DNM1: variants seen among roughly 807,000 people sequenced by gnomAD.
The protein encoded by DNM1 is dynamin 1, also known as dynamin-1.
A neutral mutation model predicts 104.6 loss-of-function variants in DNM1; 29 were observed. The ratio of observed to expected loss-of-function variants is 0.28; its 90% CI spans 0.21 to 0.38. DNM1 has a LOEUF of 0.38. Ranked by LOEUF, DNM1 falls within the 10% of genes least tolerant of loss-of-function variation. The pLI, the probability that DNM1 is intolerant of heterozygous loss-of-function variation, is 1.00. For synonymous variants in DNM1, 445 were observed against 475.8 expected (o/e 0.94, Z 0.84); for missense variants, 640 against 1,189.4 (o/e 0.54, Z 6.79).
At chr9:128,235,325 C>T (rs1835947002) in intron 11 of DNM1, among the ~76,000 whole-genome samples, 1 of 152,016 alleles carries the variant, frequency 6.6e-6, no homozygotes, top group African/African-American at 2.4e-5. Context: ...GAAACCCCGT[C>T]TCTACTAAAA....
At chr9:128,241,614 C>T (rs1417907415) in intron 14 of DNM1, among the ~76,000 whole-genome samples, 1 of 152,114 alleles carries the variant, frequency 6.6e-6, no homozygotes, top group Non-Finnish European at 1.5e-5. Context: ...GAGGCTGCAT[C>T]GACAGATAAT....
intron 10 of DNM1, chr9:128,232,771 ACCAT>A (rs1835777217): frequency 6.6e-6 from 1 of 152,400 alleles, no homozygotes; most frequent in Non-Finnish European, 1.5e-5. Flanking sequence ...GTGGGCTCCC[ACCAT>A]CAGAAATGCA....
chr9:128,216,480 G>A (rs967165112), intron 1 of DNM1, among the ~76,000 whole-genome samples: 1 of 152,166 alleles, frequency 6.6e-6, no homozygotes, highest in Non-Finnish European at 1.5e-5. Flanking sequence ...CCCTGTCCTG[G>A]GCACTGGGAT....
chr9:128,224,077 C>T lies in DNM1; in HGVS notation c.1197-174C>T. 2 of 743,694 alleles carry T rather than the reference C, an allele frequency of 2.7e-6. No homozygotes were observed. The highest frequency in any genetic ancestry group is 2.0e-6 in the Non-Finnish European group (1 of 491,008). 46.1% of individuals were successfully genotyped at this position (743,694 alleles called of 1,614,324 possible). A position where few individuals can be genotyped will look rare whatever the true frequency, so the allele number is the denominator to read the frequency against. Reference sequence around the variant, plus strand: ...AAAAATAACAACAACAACAAAAAACCCTTCATTAGAACCCCTCCCTCCCAT... The same window carrying T: ...AAAAATAACAACAACAACAAAAAACTCTTCATTAGAACCCCTCCCTCCCAT... On this transcript the variant is annotated intron_variant, in intron 9 of 21. Coordinates refer to ENST00000372923, the MANE Select transcript of DNM1 (RefSeq NM_004408.4). The surrounding 1 kb of genome is among the most constrained non-coding windows in gnomAD (Gnocchi z 4.3).
chr9:128,220,742 C>CGCACGCGT lies in DNM1; in HGVS notation c.849+402_849+403insCACGCGTG, dbSNP rs61020870. 3.7e-5 allele frequency among the ~76,000 whole-genome samples: 5 copies of CGCACGCGT among 136,278 alleles called. No homozygotes were observed. Among genetic ancestry groups the CGCACGCGT allele is most frequent in the South Asian group, 5.7e-4 (2 of 3,538 alleles). 89.4% of individuals were successfully genotyped at this position (136,278 alleles called of 152,430 possible). A position where few individuals can be genotyped will look rare whatever the true frequency, so the allele number is the denominator to read the frequency against. ...CAGAACTGAAGTGCGCGCGCGCGCGCGTGTGTGTGTGTGTGTGTGTGTGTG... is the reference window on the plus strand; with the variant it reads ...CAGAACTGAAGTGCGCGCGCGCGCGCGCACGCGTGTGTGTGTGTGTGTGTGTGTGTGTG... On this transcript the variant is annotated intron_variant, in intron 6 of 21. Transcript: ENST00000372923. This position sits in a 1 kb window ranked among gnomAD's most constrained non-coding sequence, Gnocchi z 5.2.
At chr9:128,230,724 T>C (rs1200508884) in intron 10 of DNM1, among the ~76,000 whole-genome samples, 1 of 152,160 alleles carries the variant, frequency 6.6e-6, no homozygotes, top group Non-Finnish European at 1.5e-5. Context: ...AGTGCTGGGA[T>C]TACAAGCATG....
In DNM1 at chr9:128,223,050, G is replaced by A. The variant is rs899892277; in HGVS notation, c.1196+190G>A. 3.0e-5 allele frequency: 18 copies of A among 609,194 alleles called. 1 individual carries two copies. The highest frequency in any genetic ancestry group is 8.6e-5 in the East Asian group (3 of 34,722). 37.7% of individuals were successfully genotyped at this position (609,194 alleles called of 1,614,324 possible). On this transcript the variant is annotated intron_variant, in intron 9 of 21. Transcript: ENST00000372923. ...TGGGGAGGTGGACCCGGGCCACCCC[G>A]CCTACTGCAACTTGCTGGGCCAACT...
Position 128,220,765 on chromosome 9 carries a change from G to GTGTGTGTGTGTGTGTC in DNM1, c.849+427_849+428insGTGTGTGTGTGTCTGT, listed in dbSNP as rs1432585973. 2.0e-5 allele frequency among the ~76,000 whole-genome samples: 3 copies of GTGTGTGTGTGTGTGTC among 151,664 alleles called. No homozygotes were observed. The highest frequency in any genetic ancestry group is 7.3e-5 in the African/African-American group (3 of 41,324). On this transcript the variant is annotated intron_variant, in intron 6 of 21. Coordinates refer to ENST00000372923, the MANE Select transcript of DNM1 (RefSeq NM_004408.4). The surrounding 1 kb of genome is among the most constrained non-coding windows in gnomAD (Gnocchi z 5.2). ...CGCGTGTGTGTGTGTGTGTGTGTGT[G>GTGTGTGTGTGTGTGTC]TGTCTGTCTGACTGTCTGTCTGTGT... is the stretch of plus-strand genomic sequence containing the variant.
In DNM1 at chr9:128,249,969, TG is replaced by T. The variant is rs1011858424; in HGVS notation, c.2077-142del. On this transcript the variant is annotated intron_variant, in intron 19 of 21. Coordinates refer to ENST00000372923, the MANE Select transcript of DNM1 (RefSeq NM_004408.4). Reference sequence around the variant, plus strand: ...CCTCATCTGAGTGAGAAAAGCGCGGTGGGGAGGTGAATCTTCCAGTCTACGC... The same window carrying T: ...CCTCATCTGAGTGAGAAAAGCGCGGTGGGAGGTGAATCTTCCAGTCTACGC... The T allele has an allele frequency of 1.3e-4, 152 of 1,175,528 alleles. 2 individuals carry two copies. The highest frequency in any genetic ancestry group is 5.8e-4 in the Middle Eastern group (2 of 3,436). The allele number at this position is 1,175,528 out of a possible 1,614,324, so 72.8% of individuals were successfully genotyped here. A position where few individuals can be genotyped will look rare whatever the true frequency, so the allele number is the denominator to read the frequency against.
chr9:128,252,060 A>G (rs139775080), intron 21 of DNM1: 119 of 196,068 alleles, frequency 6.1e-4, no homozygotes, highest in African/African-American at 2.6e-3. Context: ...ATGCTGCTTC[A>G]CCCTGGGCCT....
intron 14 of DNM1, among the ~76,000 whole-genome samples, chr9:128,241,463 G>A (rs1039590940): frequency 6.6e-6 from 1 of 152,250 alleles, no homozygotes; most frequent in Admixed American, 6.5e-5. Context: ...CTGGGGACCT[G>A]GAGCCAAAGA....
chr9:128,245,777 G>C lies in DNM1; in HGVS notation c.1672-617G>C, dbSNP rs1836763503. 6.6e-6 allele frequency among the ~76,000 whole-genome samples: 1 copy of C among 152,198 alleles called. No homozygotes were observed. Among genetic ancestry groups the C allele is most frequent in the Non-Finnish European group, 1.5e-5 (1 of 68,034 alleles). On this transcript the variant is annotated intron_variant, in intron 15 of 21. Coordinates refer to ENST00000372923, the MANE Select transcript of DNM1 (RefSeq NM_004408.4). The surrounding 1 kb of genome is among the most constrained non-coding windows in gnomAD (Gnocchi z 5.2). The stretch of plus-strand genomic sequence containing the variant: ...GCAGACACGCTGACACCGACACATG[G>C]TTCATGCTGGGCACCTCCCCAGATA...
chr9:128,248,840 G>T lies in DNM1; in HGVS notation c.2076+87G>T. On this transcript the variant is annotated intron_variant, in intron 19 of 21. Coordinates refer to ENST00000372923, the MANE Select transcript of DNM1 (RefSeq NM_004408.4). The surrounding 1 kb of genome is among the most constrained non-coding windows in gnomAD (Gnocchi z 5.6). ...GTTGGCCTGGGGGAGATGCCAACCA[G>T]CCCTATGGGACCAGGTCCAGGGAGG... 2 of 1,452,264 alleles carry T rather than the reference G, an allele frequency of 1.4e-6. No individual in the cohort carries two copies. The highest frequency in any genetic ancestry group is 9.5e-7 in the Non-Finnish European group (1 of 1,048,508). The allele number at this position is 1,452,264 out of a possible 1,614,324, so 90.0% of individuals were successfully genotyped here. A position where few individuals can be genotyped will look rare whatever the true frequency, so the allele number is the denominator to read the frequency against.
At chr9:128,210,076 C>T (rs1390031469) in intron 1 of DNM1, among the ~76,000 whole-genome samples, 1 of 151,998 alleles carries the variant, frequency 6.6e-6, no homozygotes, top group African/African-American at 2.4e-5. Context: ...GACAGGATCT[C>T]ACTCTGTCAC....
intron 10 of DNM1, chr9:128,226,235 C>G (rs547629869): frequency 2.5e-6 from 4 of 1,599,704 alleles, no homozygotes; most frequent in Non-Finnish European, 3.4e-6. Flanking sequence ...CACAGCCTCC[C>G]GTGGGCAGAA....
rs534340766 is a variant in DNM1 at position 128,220,570 on chromosome 9, A to G, written c.849+229A>G. 5.3e-5 allele frequency among the ~76,000 whole-genome samples: 8 copies of G among 152,290 alleles called. No individual in the cohort carries two copies. The South Asian group carries it at 6.2e-4, about 12-fold the overall frequency. On this transcript the variant is annotated intron_variant, in intron 6 of 21. Transcript: ENST00000372923. The surrounding 1 kb of genome is among the most constrained non-coding windows in gnomAD (Gnocchi z 5.2). The stretch of plus-strand genomic sequence containing the variant: ...GCCAGGGAAGCCCTGGAAGTCCCCA[A>G]CACAGAGAAGGCCAAGACCTATGTG...
At position 128,239,567 on chromosome 9, in the gene DNM1, CGTGTGTGT is replaced by C. The variant is rs34036148; in HGVS notation, c.1493+95_1493+102del. On this transcript the variant is annotated intron_variant, in intron 12 of 21. Transcript: ENST00000372923. ...AGTGCTCCCTGGGCAGAGAAGGTAA[CGTGTGTGT>C]GTGTGTGTGTGTGTGTGTGTGTGTG... 0.02 allele frequency: 17,842 copies of C among 880,146 alleles called. 105 individuals are homozygous for C. Among genetic ancestry groups the C allele is most frequent in the African/African-American group, 0.064 (3,337 of 51,980 alleles). 54.5% of individuals were successfully genotyped at this position (880,146 alleles called of 1,614,324 possible).
chr9:128,219,672 A>C (rs1834826281), intron 4 of DNM1, among the ~76,000 whole-genome samples: 1 of 146,918 alleles, frequency 6.8e-6, no homozygotes, highest in Non-Finnish European at 1.5e-5. Context: ...GTCTCAAAAA[A>C]GAAAAAAAGG....
intron 14 of DNM1, among the ~76,000 whole-genome samples, chr9:128,241,968 C>T (rs933946629): frequency 1.3e-5 from 2 of 152,212 alleles, no homozygotes; most frequent in Admixed American, 6.5e-5. Context: ...GAGCTCATCC[C>T]CTACCCAGGC....
Sources: allele counts gnomAD v4.1 joint callset (sites outside exome capture counted in the v4.1 genomes callset), GRCh38; gene constraint gnomAD v4.1.1; non-coding constraint Gnocchi (gnomAD v3.1); transcripts MANE v1.5; gene names NCBI Gene and HGNC (gene_info 2026-07-23, HGNC 2026-07-21).